TDRD3: variants seen among roughly 807,000 people sequenced by gnomAD.
TDRD3 encodes tudor domain-containing protein 3.
In TDRD3, 45 loss-of-function variants were observed where a neutral mutation model predicts 86.7. That is an observed-to-expected ratio of 0.52 (90% confidence interval 0.41 to 0.67). The LOEUF (loss-of-function observed/expected upper bound fraction) is 0.67, where lower values mean the gene tolerates loss of function less well. Ranked by LOEUF, TDRD3 falls within the 30% of genes least tolerant of loss-of-function variation. The pLI, the probability that TDRD3 is intolerant of heterozygous loss-of-function variation, is 0.00. For synonymous variants in TDRD3, 298 were observed against 301.7 expected (o/e 0.99, Z 0.13); for missense variants, 814 against 889.0 (o/e 0.92, Z 1.07).
chr13:60,459,822 T>A (rs1955767821), intron 3 of TDRD3, among the ~76,000 whole-genome samples: 1 of 152,144 alleles, frequency 6.6e-6, no homozygotes, highest in Non-Finnish European at 1.5e-5. Context: ...GGATTCACCA[T>A]GTTGGCCTGG....
chr13:60,424,197 A>G (rs1400765410), intron 1 of TDRD3, among the ~76,000 whole-genome samples: 1 of 147,748 alleles, frequency 6.8e-6, no homozygotes, highest in African/African-American at 2.6e-5. Context: ...AATTTTTTGT[A>G]TTTTTGGTGG....
intron 3 of TDRD3, among the ~76,000 whole-genome samples, chr13:60,450,951 A>C (rs1328045302): frequency 6.6e-6 from 1 of 152,146 alleles, no homozygotes; most frequent in Non-Finnish European, 1.5e-5. Context: ...TCTACGGTAC[A>C]TACACACATA....
At chr13:60,547,322 CT>C in intron 12 of TDRD3, 4 of 985,376 alleles carry the variant, frequency 4.1e-6, no homozygotes, top group Non-Finnish European at 4.8e-6. Flanking sequence ...AATATCTGCT[CT>C]GCTTGGCCTT....
At chr13:60,435,800 G>C (rs1955074777) in intron 1 of TDRD3, among the ~76,000 whole-genome samples, 1 of 152,054 alleles carries the variant, frequency 6.6e-6, no homozygotes, top group Non-Finnish European at 1.5e-5. Flanking sequence ...TAGGATTGCT[G>C]GATCAAATGG....
intron 2 of TDRD3, among the ~76,000 whole-genome samples, chr13:60,439,983 GA>G (rs952693394): frequency 6.6e-6 from 1 of 151,948 alleles, no homozygotes; most frequent in Non-Finnish European, 1.5e-5. Context: ...AATGAAAAAG[GA>G]AAAAATGAAA....
At chr13:60,537,217 C>T (rs1426337110) in intron 12 of TDRD3, 2 of 151,908 alleles carry the variant, frequency 1.3e-5, no homozygotes, top group African/African-American at 2.4e-5. Context: ...TGGTTGTTGA[C>T]GTTTTATGAA....
rs77953098 is a variant in TDRD3 at position 60,466,185 on chromosome 13, A to G, written c.354-1053A>G. Among the ~76,000 whole-genome samples, 42 of 152,290 alleles carry G rather than the reference A, an allele frequency of 2.8e-4. No homozygotes were observed. In the East Asian group the frequency reaches 8.1e-3, roughly 29 times the overall value. On this transcript the variant is annotated intron_variant, in intron 4 of 13. Coordinates refer to ENST00000377881, the MANE Select transcript of TDRD3 (RefSeq NM_001146070.2). ...TTGACTTGATGGTGAACAAAAAAAG[A>G]GCATTATTTTGTATAAATCACTATG... is the stretch of plus-strand genomic sequence containing the variant.
intron 1 of TDRD3, among the ~76,000 whole-genome samples, chr13:60,435,916 T>C (rs1412706998): frequency 6.7e-6 from 1 of 150,310 alleles, no homozygotes; most frequent in Non-Finnish European, 1.5e-5. Context: ...ACAACATCTA[T>C]GGTTTTTTTT....
intron 7 of TDRD3, among the ~76,000 whole-genome samples, chr13:60,488,529 A>G (rs2137529222): frequency 6.6e-6 from 1 of 152,198 alleles, no homozygotes; most frequent in Middle Eastern, 3.4e-3. Flanking sequence ...TTGAAAAATG[A>G]TATTCAAATC....
chr13:60,567,700 A>G, intron 13 of TDRD3, 50 bp downstream of exon 13: 1 of 1,599,638 alleles, frequency 6.3e-7, no homozygotes, highest in Non-Finnish European at 8.5e-7. Context: ...GATGAAATTC[A>G]TGTTAAGCAT....
chr13:60,426,995 G>C (rs755229618), intron 1 of TDRD3, among the ~76,000 whole-genome samples: 1 of 152,078 alleles, frequency 6.6e-6, no homozygotes, highest in Non-Finnish European at 1.5e-5. Context: ...ATTTAGTATT[G>C]TGTACGTATT....
chr13:60,528,757 C>G lies in TDRD3; in HGVS notation c.1532C>G (p.Pro511Arg). Residue 511 changes from proline to arginine, a missense_variant, in exon 11 of 14, where the codon CCC (proline) becomes CGC (arginine). Physicochemically the swap from Pro to Arg is moderately radical, Grantham distance 103. Coordinates refer to ENST00000377881, the MANE Select transcript of TDRD3 (RefSeq NM_001146070.2). ...NSMQSRSGKG[P>R]SFAEAKENPL... ...ATGCAAAGCAGATCAGGAAAAGGTC[C>G]CTCCTTTGCAGAGGCAAAAGAAAAT... 1 of 1,613,146 alleles carries G rather than the reference C, an allele frequency of 6.2e-7. No individual in the cohort carries two copies.
rs1232600917 is a variant in TDRD3, at chr13:60,461,378, C to A, written c.353+838C>A. Among the ~76,000 whole-genome samples, 6 of 152,224 alleles carry A rather than the reference C, an allele frequency of 3.9e-5. No homozygotes were observed. The East Asian group carries it at 9.7e-4, about 25-fold the overall frequency. On this transcript the variant is annotated intron_variant, in intron 4 of 13. Coordinates refer to ENST00000377881, the MANE Select transcript of TDRD3 (RefSeq NM_001146070.2). ...TTAATAAGAATCTTTTAGAGCCATG[C>A]CCAATGGAATGGACGAAAACAATGA...
rs533701383 is a variant in TDRD3, at chr13:60,518,059, C to A, written c.1141+7304C>A. ...TCTGGATTTACCTGCATTCTGACAG[C>A]ATGATAGCTTTTGTCAGAGTAACAA... On this transcript the variant is annotated intron_variant, in intron 10 of 13. Coordinates refer to ENST00000377881, the MANE Select transcript of TDRD3 (RefSeq NM_001146070.2). 7.2e-5 allele frequency among the ~76,000 whole-genome samples: 11 copies of A among 152,314 alleles called. No homozygotes were observed. The South Asian group carries it at 2.3e-3, about 32-fold the overall frequency.
chr13:60,549,789 A>G (rs1209163734), intron 12 of TDRD3, among the ~76,000 whole-genome samples: 1 of 151,970 alleles, frequency 6.6e-6, no homozygotes, highest in African/African-American at 2.4e-5. Context: ...ATGAAAAGCA[A>G]TTTTTCTAAC....
intron 4 of TDRD3, among the ~76,000 whole-genome samples, chr13:60,465,195 T>C: frequency 6.6e-6 from 1 of 152,232 alleles, no homozygotes; most frequent in East Asian, 1.9e-4. Flanking sequence ...ATAACTTGAC[T>C]ACATAGGTCT....
chr13:60,510,702 C>T lies in TDRD3; in HGVS notation c.1088C>T (p.Pro363Leu). Residue 363 changes from proline (P) to leucine (L), a missense_variant, in exon 10 of 14, where the codon CCA becomes CTA. Pro to Leu is a moderately conservative substitution (Grantham distance 98). Coordinates refer to ENST00000377881, the MANE Select transcript of TDRD3 (RefSeq NM_001146070.2). Reference protein sequence around the residue: ...EDLGNARPSAPSTLFDFLESK... With the variant: ...EDLGNARPSALSTLFDFLESK... The stretch of plus-strand genomic sequence containing the variant: ...CTGGGAAATGCAAGGCCATCAGCAC[C>T]AAGCACATTATTTGATTTCTTGGAA... 1 of 1,600,708 alleles carries T rather than the reference C, an allele frequency of 6.2e-7. No individual in the cohort carries two copies. The highest frequency in any genetic ancestry group is 8.5e-7 in the Non-Finnish European group (1 of 1,173,862).
chr13:60,566,637 C>G (rs1958465973), intron 12 of TDRD3, among the ~76,000 whole-genome samples: 1 of 152,118 alleles, frequency 6.6e-6, no homozygotes, highest in Non-Finnish European at 1.5e-5. Flanking sequence ...ATAAGCAAAA[C>G]TGAGAGCTAA....
Position 60,483,319 on chromosome 13 carries a change from T to C in TDRD3, c.496-456T>C, listed in dbSNP as rs577081992. Among the ~76,000 whole-genome samples the C allele has an allele frequency of 3.4e-4, 52 of 152,290 alleles. No individual in the cohort carries two copies. The Middle Eastern group carries it at 0.017, about 50-fold the overall frequency. On this transcript the variant is annotated intron_variant, in intron 5 of 13. Transcript: ENST00000377881. The stretch of plus-strand genomic sequence containing the variant: ...TTAAAAGAACCTCCATATTATACAC[T>C]ATAACAATCTGTTCTCTTTAAGTAA...
Sources: gnomAD v4.1 joint callset for allele counts (sites outside exome capture counted in the v4.1 genomes callset) on GRCh38, gnomAD v4.1.1 for gene constraint, MANE v1.5 for transcripts, NCBI Gene and HGNC (gene_info 2026-07-23, HGNC 2026-07-21) for gene names.